The following PKD1L1 variants were observed in gnomAD, a reference collection of about 807,000 sequenced individuals.
PKD1L1 encodes the protein polycystin 1 like 1, transient receptor potential channel interacting.
In PKD1L1, 236 loss-of-function variants were observed where a neutral mutation model predicts 323.4. That is an observed-to-expected ratio of 0.73 (90% CI 0.66 to 0.81). PKD1L1 has a LOEUF of 0.81. Ranked by LOEUF, PKD1L1 falls within the 40% of genes least tolerant of loss-of-function variation. The pLI is 0.00. For missense variants in PKD1L1, 3,320 were observed against 3,508.0 expected (o/e 0.95, Z 1.35); for synonymous variants, 1,344 against 1,335.0 (o/e 1.01, Z -0.15).
chr7:47,823,514 A>G (rs1475611549), intron 45 of PKD1L1, among the ~76,000 whole-genome samples: 1 of 152,210 alleles, frequency 6.6e-6, no homozygotes, highest in East Asian at 1.9e-4. Flanking sequence ...GGTGATATCA[A>G]CATACTCTTA....
chr7:47,791,053 A>G (rs1411960330), intron 56 of PKD1L1, among the ~76,000 whole-genome samples: 1 of 152,168 alleles, frequency 6.6e-6, no homozygotes, highest in Non-Finnish European at 1.5e-5. Flanking sequence ...GTTTTAATAG[A>G]TGTGAATCCA....
Position 47,811,892 on chromosome 7 carries a change from G to T in PKD1L1, c.7506C>A (p.Val2502=), listed in dbSNP as rs747289738. 1.2e-6 allele frequency: 2 copies of T among 1,611,108 alleles called. No homozygotes were observed. The stretch of plus-strand genomic sequence containing the variant: ...TGAATGACTCCACCAGGGATGAGGG[G>T]ACGAGACTCCCCGTAGGGAGGATCT... The part of the protein sequence containing the change: ...RVEILPTGSL[V]PSSLVESFSI... The change falls in exon 50 of 57, where the codon GTC becomes GTA. Residue 2502 remains valine (V), a synonymous_variant. Transcript: ENST00000289672.
chr7:47,810,965 C>T (rs1050524710), intron 50 of PKD1L1, among the ~76,000 whole-genome samples: 11 of 152,104 alleles, frequency 7.2e-5, no homozygotes, highest in Admixed American at 6.5e-5. Flanking sequence ...AGTGTCCTTA[C>T]ACAAAGAGAC....
At position 47,846,869 on chromosome 7, in the gene PKD1L1, G is replaced by T. The variant is rs551229063; in HGVS notation, c.5153+10C>A. On this transcript the variant is annotated intron_variant, in intron 32 of 56. Coordinates refer to ENST00000289672, the MANE Select transcript of PKD1L1 (RefSeq NM_138295.5). ...AAAAATCTCAGATTCTTTCTCAAAT[G>T]TGTCTATACCTGCAGTTCACTTTTT... 6.3e-7 allele frequency: 1 copy of T among 1,587,918 alleles called. No homozygotes were observed. Among genetic ancestry groups the T allele is most frequent in the Admixed American group, 1.9e-5 (1 of 53,186 alleles).
chr7:47,884,177 G>T (rs151042534), intron 19 of PKD1L1, among the ~76,000 whole-genome samples: 2 of 150,750 alleles, frequency 1.3e-5, no homozygotes, highest in African/African-American at 5.0e-5. Context: ...TTTGGGGGTT[G>T]GGGGGAAGGC....
rs762250335 is a variant in PKD1L1, at chr7:47,831,289, C to A, written c.6401G>T (p.Ser2134Ile). Residue 2134 changes from serine (S) to isoleucine (I), a missense_variant, in exon 42 of 57, where the codon AGC (serine) becomes ATC (isoleucine). Coordinates refer to ENST00000289672, the MANE Select transcript of PKD1L1 (RefSeq NM_138295.5). ...CCCACAAATGGCCCACACTGCAGAG[C>A]TCCACCAAGGCTGAAGGGCCCTTGA... ...QWSRALQPWW[S>I]SAVWAICGTA... The A allele has an allele frequency of 3.7e-6, 6 of 1,614,070 alleles. No individual in the cohort carries two copies. The African/African-American group carries it at 8.0e-5, about 22-fold the overall frequency.
rs905532687 is a variant in PKD1L1 at position 47,804,468 on chromosome 7, A to T, written c.7828-1124T>A. On this transcript the variant is annotated intron_variant, in intron 52 of 56. Transcript: ENST00000289672. ...AATTATTGAGATATTTTACATTTTT[A>T]ATTTTTTTTTTTTTTTTTTTTGAGA... is the stretch of plus-strand genomic sequence containing the variant. Among the ~76,000 whole-genome samples, 6 of 100,584 alleles carry T rather than the reference A, an allele frequency of 6.0e-5. 1 individual carries two copies. The South Asian group carries it at 2.2e-3, about 37-fold the overall frequency. 66.0% of individuals were successfully genotyped at this position (100,584 alleles called of 152,430 possible). A position where few individuals can be genotyped will look rare whatever the true frequency, so the allele number is the denominator to read the frequency against.
chr7:47,912,227 G>A (rs187914244), intron 8 of PKD1L1, among the ~76,000 whole-genome samples: 4 of 152,230 alleles, frequency 2.6e-5, no homozygotes, highest in East Asian at 3.9e-4. Context: ...AATGGAGAAT[G>A]GAAAGTGTAG....
intron 7 of PKD1L1, among the ~76,000 whole-genome samples, chr7:47,921,666 G>A (rs1787543831): frequency 1.0e-5 from 1 of 95,390 alleles, no homozygotes; most frequent in African/African-American, 5.8e-5. Context: ...AGTGGATAAA[G>A]AAACTGTGAT....
intron 7 of PKD1L1, among the ~76,000 whole-genome samples, chr7:47,923,361 CA>C (rs1787595376): frequency 7.1e-6 from 1 of 139,940 alleles, no homozygotes; most frequent in African/African-American, 2.8e-5. Context: ...AAGAATGACA[CA>C]ATGGACTTTG....
At chr7:47,880,872 T>C in intron 20 of PKD1L1, 67 bp from the exon 21 acceptor site, 1 of 1,297,770 alleles carries the variant, frequency 7.7e-7, no homozygotes, top group Admixed American at 2.0e-5. Flanking sequence ...TCACACAGAG[T>C]CCTTGGAAAT....
chr7:47,915,327 G>A (rs1472806616), intron 8 of PKD1L1, 105 bp downstream of exon 8: 2 of 690,356 alleles, frequency 2.9e-6, no homozygotes, highest in African/African-American at 3.6e-5. Flanking sequence ...AGAGTGTATA[G>A]CCAATCACTA....
At chr7:47,880,247 G>GATAGATATATATATAGATATATATAT (rs1453113715) in intron 21 of PKD1L1, among the ~76,000 whole-genome samples, 2 of 98,284 alleles carry the variant, frequency 2.0e-5, no homozygotes, top group African/African-American at 9.7e-5. Flanking sequence ...GCATAAATAA[G>GATAGATATATATATAGATATATATAT]ATATATATAT....
rs1373420990 is a variant in PKD1L1, at chr7:47,854,992, C to T, written c.4749G>A (p.Val1583=). 2.5e-6 allele frequency: 4 copies of T among 1,613,908 alleles called. No homozygotes were observed. The highest frequency in any genetic ancestry group is 3.4e-6 in the Non-Finnish European group (4 of 1,180,014). ...AAAGCTCAGTGAACTGATGGAGATT[C>T]ACTTTATCCCGAAGTAATACAAATG... ...KTTFVLLRDK[V]NLHQFTELSE... The change falls in exon 30 of 57, where the codon GTG becomes GTA. Residue 1583 remains valine, a synonymous_variant. Transcript: ENST00000289672.
At chr7:47,911,349 T>G (rs956619282) in intron 8 of PKD1L1, among the ~76,000 whole-genome samples, 1 of 152,236 alleles carries the variant, frequency 6.6e-6, no homozygotes, top group African/African-American at 2.4e-5. Flanking sequence ...CCGTGCTTAC[T>G]GTAAAACCTG....
At chr7:47,859,349 C>T (rs1785975172) in intron 26 of PKD1L1, among the ~76,000 whole-genome samples, 1 of 152,176 alleles carries the variant, frequency 6.6e-6, no homozygotes, top group Non-Finnish European at 1.5e-5. Context: ...CTTATTGTAC[C>T]CAAAGAATCG....
intron 45 of PKD1L1, among the ~76,000 whole-genome samples, chr7:47,822,494 C>T (rs1191334836): frequency 6.9e-6 from 1 of 144,280 alleles, no homozygotes; most frequent in Non-Finnish European, 1.5e-5. Flanking sequence ...ACTCGGGAGG[C>T]TGAGGCAGGA....
At chr7:47,907,970 T>C (rs772045865) in intron 9 of PKD1L1, 107 bp downstream of exon 9, 42 of 1,056,508 alleles carry the variant, frequency 4.0e-5, no homozygotes, top group Non-Finnish European at 5.4e-5. Flanking sequence ...AAGGATGTTG[T>C]ATCAAATTTA....
chr7:47,781,642 G>A (rs202003662), intron 56 of PKD1L1, among the ~76,000 whole-genome samples: 11 of 151,670 alleles, frequency 7.3e-5, no homozygotes, highest in South Asian at 6.3e-4. Context: ...ATTTCCTGAC[G>A]TAGTGATCCG....
Sources: allele counts gnomAD v4.1 joint callset (sites outside exome capture counted in the v4.1 genomes callset), GRCh38; gene constraint gnomAD v4.1.1; transcripts MANE v1.5; gene names NCBI Gene and HGNC (gene_info 2026-07-23, HGNC 2026-07-21).